KCNJ4: variants seen among roughly 807,000 people sequenced by gnomAD.
KCNJ4 encodes inward rectifier potassium channel 4.
In KCNJ4, 3 loss-of-function variants were observed where a neutral mutation model predicts 25.6. The ratio of observed to expected loss-of-function variants is 0.12; its 90% confidence interval spans 0.05 to 0.30. The LOEUF is 0.30. KCNJ4 is among the 10% of genes least tolerant of loss of function. The probability of loss-of-function intolerance (pLI) is 1.00; values close to 1 mark genes in which losing one functional copy is unlikely to be tolerated. For synonymous variants in KCNJ4, 257 were observed against 283.9 expected, an observed-to-expected ratio of 0.91 and a Z score of 0.95; for missense variants, 286 against 666.8, an observed-to-expected ratio of 0.43 and a Z score of 6.29.
At chr22:38,436,113 C>T (rs183061035) in intron 1 of KCNJ4, among the ~76,000 whole-genome samples, 38 of 152,324 alleles carry the variant, frequency 2.5e-4, no homozygotes, top group Non-Finnish European at 4.4e-5. Flanking sequence ...ATGCGAGGAA[C>T]TTAACCTCTC....
intron 1 of KCNJ4, among the ~76,000 whole-genome samples, chr22:38,448,273 C>T (rs954964793): frequency 2.2e-4 from 34 of 151,166 alleles, no homozygotes; most frequent in Non-Finnish European, 5.9e-5. Context: ...AAAAGGAACC[C>T]TCCCATCCCT....
chr22:38,426,612 CT>C lies in KCNJ4; in HGVS notation c.*182del. 1 of 747,474 alleles carries C rather than the reference CT, an allele frequency of 1.3e-6. No homozygotes were observed. The highest frequency in any genetic ancestry group is 2.8e-5 in the Admixed American group (1 of 35,776). The allele number at this position is 747,474 out of a possible 1,614,324, so 46.3% of individuals were successfully genotyped here. A position where few individuals can be genotyped will look rare whatever the true frequency, so the allele number is the denominator to read the frequency against. Reference sequence around the variant, plus strand: ...GGAACTCAGGCTGATCGGGGCCGAGCTCTTCCCAGGCCTGGGTGCTGGAGTC... The same window carrying C: ...GGAACTCAGGCTGATCGGGGCCGAGCCTTCCCAGGCCTGGGTGCTGGAGTC... On this transcript the variant is annotated 3_prime_UTR_variant, in exon 2 of 2. Transcript: ENST00000303592.
chr22:38,445,881 G>A (rs971941256), intron 1 of KCNJ4, among the ~76,000 whole-genome samples: 2 of 152,100 alleles, frequency 1.3e-5, no homozygotes, highest in Admixed American at 6.6e-5. Flanking sequence ...TGTGACGGGC[G>A]GTGCTTGGAC....
chr22:38,428,153 A>C lies in KCNJ4; in HGVS notation c.-21T>G, dbSNP rs2093038774. On this transcript the variant is annotated 5_prime_UTR_variant, in exon 2 of 2. Coordinates refer to ENST00000303592, the MANE Select transcript of KCNJ4 (RefSeq NM_152868.3). Reference sequence around the variant, plus strand: ...TGCATGTCCTGAAGCCGGCGTGGTCACCTGGGAAGACGCAGGGCCTGCGGA... The same window carrying C: ...TGCATGTCCTGAAGCCGGCGTGGTCCCCTGGGAAGACGCAGGGCCTGCGGA... 6.3e-7 allele frequency: 1 copy of C among 1,593,412 alleles called. No individual in the cohort carries two copies. The highest frequency in any genetic ancestry group is 1.1e-5 in the South Asian group (1 of 88,832).
At chr22:38,429,394 G>A (rs1267142628) in intron 1 of KCNJ4, among the ~76,000 whole-genome samples, 1 of 152,186 alleles carries the variant, frequency 6.6e-6, no homozygotes. Flanking sequence ...ACAAACTTGC[G>A]TGGCACCAAC....
At position 38,449,682 on chromosome 22, in the gene KCNJ4, A is replaced by G. The variant is rs2089398632; in HGVS notation, c.-40+5298T>C. On this transcript the variant is annotated intron_variant, in intron 1 of 1. Coordinates refer to ENST00000303592, the MANE Select transcript of KCNJ4 (RefSeq NM_152868.3). The surrounding 1 kb of genome is among the most constrained non-coding windows in gnomAD (Gnocchi z 5.2). ...CCCACCCTGTGTGTCCCAACAGAGAACAGTGGTCTTAGAATCAGGCAAAAC... is the reference window on the plus strand; with the variant it reads ...CCCACCCTGTGTGTCCCAACAGAGAGCAGTGGTCTTAGAATCAGGCAAAAC... Among the ~76,000 whole-genome samples the G allele has an allele frequency of 6.6e-6, 1 of 152,236 alleles. No homozygotes were observed. Among genetic ancestry groups the G allele is most frequent in the African/African-American group, 2.4e-5 (1 of 41,462 alleles).
intron 1 of KCNJ4, among the ~76,000 whole-genome samples, chr22:38,445,002 G>A (rs1363710834): frequency 6.6e-6 from 1 of 152,148 alleles, no homozygotes; most frequent in Non-Finnish European, 1.5e-5. Flanking sequence ...GTATGCTGAA[G>A]GGAAGCAGGT....
intron 1 of KCNJ4, among the ~76,000 whole-genome samples, chr22:38,441,757 G>A (rs1265774239): frequency 6.6e-6 from 1 of 152,144 alleles, no homozygotes; most frequent in Non-Finnish European, 1.5e-5. Flanking sequence ...GACGCCTCCT[G>A]GGCCCTCCTG....
chr22:38,440,623 C>G (rs746854777), intron 1 of KCNJ4, among the ~76,000 whole-genome samples: 2 of 152,212 alleles, frequency 1.3e-5, no homozygotes, highest in African/African-American at 2.4e-5. Context: ...CTCAGCTAGC[C>G]TTTGAAGTCT....
chr22:38,453,892 C>T (rs1480136314), intron 1 of KCNJ4, among the ~76,000 whole-genome samples: 1 of 152,230 alleles, frequency 6.6e-6, no homozygotes, highest in East Asian at 1.9e-4. Flanking sequence ...CAGTGGCCAA[C>T]AGTCTCTGTT....
At chr22:38,450,842 G>A (rs541122926) in intron 1 of KCNJ4, among the ~76,000 whole-genome samples, 110 of 152,264 alleles carry the variant, frequency 7.2e-4, no homozygotes, top group African/African-American at 2.6e-3. Context: ...GGGGTGTCAC[G>A]CTGTGGGGGC....
intron 1 of KCNJ4, among the ~76,000 whole-genome samples, chr22:38,439,693 T>C (rs974537949): frequency 1.4e-5 from 2 of 145,828 alleles, no homozygotes; most frequent in Admixed American, 1.4e-4. Flanking sequence ...GAGAATGGCA[T>C]GAACCCAGGA....
At chr22:38,439,248 A>G (rs532979870) in intron 1 of KCNJ4, among the ~76,000 whole-genome samples, 1 of 152,146 alleles carries the variant, frequency 6.6e-6, no homozygotes, top group South Asian at 2.1e-4. Context: ...CCTGGCCAAC[A>G]TGGTGAAACT....
At chr22:38,440,312 T>C (rs1444368137) in intron 1 of KCNJ4, among the ~76,000 whole-genome samples, 2 of 152,072 alleles carry the variant, frequency 1.3e-5, no homozygotes, top group African/African-American at 4.8e-5. Context: ...GAGGCTGACG[T>C]GGGCAAATCA....
intron 1 of KCNJ4, among the ~76,000 whole-genome samples, chr22:38,430,619 C>A (rs2093046797): frequency 6.6e-6 from 1 of 152,232 alleles, no homozygotes; most frequent in Admixed American, 6.5e-5. Flanking sequence ...GAGGCCCAGA[C>A]CCTCTTTGCC....
chr22:38,442,223 G>A (rs143011001), intron 1 of KCNJ4, among the ~76,000 whole-genome samples: 99 of 152,280 alleles, frequency 6.5e-4, no homozygotes, highest in South Asian at 2.1e-3. Flanking sequence ...AAATTAATGT[G>A]TACACATGCA....
chr22:38,448,868 G>A (rs115900860), intron 1 of KCNJ4, among the ~76,000 whole-genome samples: 8 of 152,216 alleles, frequency 5.3e-5, no homozygotes, highest in South Asian at 2.1e-4. Flanking sequence ...GAGCTCCTCC[G>A]CCCAACTGCA....
At chr22:38,447,151 G>C (rs999474230) in intron 1 of KCNJ4, among the ~76,000 whole-genome samples, 2 of 152,122 alleles carry the variant, frequency 1.3e-5, no homozygotes, top group African/African-American at 4.8e-5. Flanking sequence ...GGGTAGGGGA[G>C]GGGGAGGTGG....
rs531167498 is a variant in KCNJ4 at position 38,444,840 on chromosome 22, A to G, written c.-40+10140T>C. 3.5e-4 allele frequency among the ~76,000 whole-genome samples: 53 copies of G among 152,190 alleles called. 1 individual carries two copies. The highest frequency in any genetic ancestry group is 1.1e-3 in the African/African-American group (45 of 41,522). On this transcript the variant is annotated intron_variant, in intron 1 of 1. Coordinates refer to ENST00000303592, the MANE Select transcript of KCNJ4 (RefSeq NM_152868.3). ...CTCCAACTCCAGCCGACCCCCATCC[A>G]TCCATCCATTCATTCATCACCCTAA...
Sources: allele counts gnomAD v4.1 joint callset (sites outside exome capture counted in the v4.1 genomes callset), GRCh38; gene constraint gnomAD v4.1.1; non-coding constraint Gnocchi (gnomAD v3.1); transcripts MANE v1.5; gene names NCBI Gene and HGNC (gene_info 2026-07-23, HGNC 2026-07-21).